SLC25A40: variants seen among roughly 807,000 people sequenced by gnomAD.
SLC25A40 encodes the protein solute carrier family 25 member 40.
In SLC25A40, 41 loss-of-function variants were observed where a neutral mutation model predicts 46.5. The observed-to-expected ratio is 0.88, with a 90% CI of 0.69 to 1.14. The LOEUF is 1.14. Ranked by LOEUF, SLC25A40 falls within the 50% of genes most tolerant of loss-of-function variation. The pLI, the probability that SLC25A40 is intolerant of heterozygous loss-of-function variation, is 0.00. For missense variants in SLC25A40, 386 were observed against 393.6 expected (o/e 0.98, Z 0.16); for synonymous variants, 126 against 127.5 (o/e 0.99, Z 0.08).
At chr7:87,855,943 G>T (rs888196918) in intron 4 of SLC25A40, among the ~76,000 whole-genome samples, 1 of 152,092 alleles carries the variant, frequency 6.6e-6, no homozygotes, top group Non-Finnish European at 1.5e-5. Context: ...TCAAGCAATA[G>T]TTGTATGATG....
chr7:87,841,133 ATGTGTG>A (rs561277692), intron 10 of SLC25A40, among the ~76,000 whole-genome samples: 38 of 142,964 alleles, frequency 2.7e-4, no homozygotes, highest in South Asian at 8.8e-4. Context: ...TAAAAACAAA[ATGTGTG>A]TGTGTGTGTG....
intron 1 of SLC25A40, among the ~76,000 whole-genome samples, chr7:87,873,425 TTAAC>T (rs1838924369): frequency 6.7e-6 from 1 of 149,318 alleles, no homozygotes; most frequent in Non-Finnish European, 1.5e-5. Flanking sequence ...CATAGAAAGG[TTAAC>T]TTTTTTTTTT....
chr7:87,839,693 C>A (rs1299372909), intron 10 of SLC25A40, among the ~76,000 whole-genome samples: 1 of 151,716 alleles, frequency 6.6e-6, no homozygotes, highest in African/African-American at 2.4e-5. Context: ...AGATTATGAG[C>A]TCTTTGAGGA....
At position 87,858,648 on chromosome 7, in the gene SLC25A40, A is replaced by T; in HGVS notation, c.80T>A (p.Ile27Lys). The stretch of plus-strand genomic sequence containing the variant: ...AATTTTACCTATTACTGATGTCAGT[A>T]TAGCTCCAGTACATGAGGCAAGCAT... ...QQMLASCTGA[I>K]LTSVIVTPLD... The change falls in exon 3 of 12, where the codon ATA (isoleucine) becomes AAA (lysine). Residue 27 changes from isoleucine (I) to lysine (K), a missense_variant. Coordinates refer to ENST00000341119, the MANE Select transcript of SLC25A40 (RefSeq NM_018843.4). 6.3e-7 allele frequency: 1 copy of T among 1,597,834 alleles called. No homozygotes were observed. The highest frequency in any genetic ancestry group is 8.6e-7 in the Non-Finnish European group (1 of 1,165,144).
chr7:87,844,653 A>C (rs1165966709), intron 8 of SLC25A40, among the ~76,000 whole-genome samples: 3 of 152,250 alleles, frequency 2.0e-5, no homozygotes, highest in Admixed American at 6.5e-5. Flanking sequence ...AAAAAATAGT[A>C]AGACAAAGCA....
At chr7:87,861,314 G>C (rs188507040) in intron 1 of SLC25A40, among the ~76,000 whole-genome samples, 1 of 152,130 alleles carries the variant, frequency 6.6e-6, no homozygotes, top group East Asian at 1.9e-4. Flanking sequence ...CAGTTTGAGG[G>C]TAACTAGTGA....
In SLC25A40 at chr7:87,847,062, T is replaced by G. The variant is rs759552722; in HGVS notation, c.518A>C (p.Lys173Thr). The change falls in exon 8 of 12, where the codon AAG becomes ACG. Residue 173 changes from lysine (K) to threonine (T), a missense_variant. Transcript: ENST00000341119. Reference sequence around the variant, plus strand: ...TCGATGCAGTTCCACGTAAGAAAACTTCTTGGACTGCATCTTGGTTCTAAT... The same window carrying G: ...TCGATGCAGTTCCACGTAAGAAAACGTCTTGGACTGCATCTTGGTTCTAAT... Reference protein sequence around the residue: ...ELIRTKMQSKKFSYVELHRFV... With the variant: ...ELIRTKMQSKTFSYVELHRFV... The G allele has an allele frequency of 6.2e-7, 1 of 1,613,726 alleles. No homozygotes were observed. Among genetic ancestry groups the G allele is most frequent in the Non-Finnish European group, 8.5e-7 (1 of 1,179,814 alleles).
rs1368098823 is a variant in SLC25A40, at chr7:87,834,144, A to T, written c.*2105T>A. Reference sequence around the variant, plus strand: ...TTGCAAATATTGCAATTCCTGCAACATCATATGTATTGAAAAGTCTGGAAA... The same window carrying T: ...TTGCAAATATTGCAATTCCTGCAACTTCATATGTATTGAAAAGTCTGGAAA... On this transcript the variant is annotated 3_prime_UTR_variant, in exon 12 of 12. Transcript: ENST00000341119. The T allele has an allele frequency of 6.6e-6, 1 of 151,912 alleles. No individual in the cohort carries two copies. The highest frequency in any genetic ancestry group is 1.5e-5 in the Non-Finnish European group (1 of 67,886). 9.4% of individuals were successfully genotyped at this position (151,912 alleles called of 1,614,324 possible). A position where few individuals can be genotyped will look rare whatever the true frequency, so the allele number is the denominator to read the frequency against.
chr7:87,871,162 C>T (rs919534811), intron 1 of SLC25A40, among the ~76,000 whole-genome samples: 3 of 152,178 alleles, frequency 2.0e-5, no homozygotes, highest in Non-Finnish European at 2.9e-5. Flanking sequence ...GTAGAGTTTG[C>T]CCCTGCCGGT....
At chr7:87,841,514 TACAC>T in intron 10 of SLC25A40, 115 bp downstream of exon 10, 1 of 556,012 alleles carries the variant, frequency 1.8e-6, no homozygotes, top group Non-Finnish European at 2.9e-6. Flanking sequence ...TTCAGTAAAA[TACAC>T]AAAGAATAAT....
intron 10 of SLC25A40, among the ~76,000 whole-genome samples, chr7:87,841,079 T>G (rs1486966013): frequency 2.0e-5 from 3 of 148,066 alleles, no homozygotes; most frequent in Non-Finnish European, 4.5e-5. Flanking sequence ...TATGAAGAAA[T>G]AAAAATAGAT....
At chr7:87,864,590 C>A (rs1036213598) in intron 1 of SLC25A40, among the ~76,000 whole-genome samples, 1 of 152,204 alleles carries the variant, frequency 6.6e-6, no homozygotes, top group Non-Finnish European at 1.5e-5. Context: ...TTTTTACAGT[C>A]TTTGACTAGT....
chr7:87,844,911 C>A (rs1170236370), intron 8 of SLC25A40, among the ~76,000 whole-genome samples: 1 of 151,912 alleles, frequency 6.6e-6, no homozygotes, highest in Non-Finnish European at 1.5e-5. Flanking sequence ...TTATTATTAA[C>A]ATAAAGAGAT....
At chr7:87,869,963 G>A (rs946109413) in intron 1 of SLC25A40, among the ~76,000 whole-genome samples, 1 of 152,122 alleles carries the variant, frequency 6.6e-6, no homozygotes, top group African/African-American at 2.4e-5. Context: ...ACAACACTTG[G>A]TATGGTCAGT....
Position 87,855,544 on chromosome 7 carries a change from G to A in SLC25A40, c.157+748C>T, listed in dbSNP as rs73706941. On this transcript the variant is annotated intron_variant, in intron 4 of 11. Coordinates refer to ENST00000341119, the MANE Select transcript of SLC25A40 (RefSeq NM_018843.4). ...ACAGTATGTAAAAATACAAAGCTGT[G>A]AATTTTGTAATACTTAGGTCTGAGT... Among the ~76,000 whole-genome samples, 515 of 152,278 alleles carry A rather than the reference G, an allele frequency of 3.4e-3. 3 individuals carry two copies. The highest frequency in any genetic ancestry group is 0.012 in the African/African-American group (485 of 41,542).
intron 1 of SLC25A40, among the ~76,000 whole-genome samples, chr7:87,871,171 G>T (rs1016184034): frequency 1.3e-5 from 2 of 152,196 alleles, no homozygotes; most frequent in Non-Finnish European, 2.9e-5. Flanking sequence ...GCCCCTGCCG[G>T]TGCTCATGCA....
intron 5 of SLC25A40, among the ~76,000 whole-genome samples, chr7:87,851,232 A>G (rs1329805878): frequency 1.3e-5 from 2 of 152,264 alleles, no homozygotes; most frequent in African/African-American, 2.4e-5. Flanking sequence ...TTCACATAAT[A>G]TTACTTGGCA....
rs1165221121 is a variant in SLC25A40 at position 87,833,611 on chromosome 7, A to G, written c.*2638T>C. On this transcript the variant is annotated 3_prime_UTR_variant, in exon 12 of 12. Coordinates refer to ENST00000341119, the MANE Select transcript of SLC25A40 (RefSeq NM_018843.4). Reference sequence around the variant, plus strand: ...TTATTTAAAAAGTTCATCTTAGAAGAAAATTCAAAAGGGATACAATAAACT... The same window carrying G: ...TTATTTAAAAAGTTCATCTTAGAAGGAAATTCAAAAGGGATACAATAAACT... 2.0e-5 allele frequency: 3 copies of G among 152,016 alleles called. No homozygotes were observed. The highest frequency in any genetic ancestry group is 2.9e-5 in the Non-Finnish European group (2 of 67,952). 9.4% of individuals were successfully genotyped at this position (152,016 alleles called of 1,614,324 possible).
chr7:87,852,451 C>T (rs996266652), intron 5 of SLC25A40, among the ~76,000 whole-genome samples: 2 of 152,034 alleles, frequency 1.3e-5, no homozygotes, highest in Admixed American at 6.6e-5. Flanking sequence ...TGCCTATAGT[C>T]CCAGCTATTT....
Sources: allele counts gnomAD v4.1 joint callset (sites outside exome capture counted in the v4.1 genomes callset), GRCh38; gene constraint gnomAD v4.1.1; transcripts MANE v1.5; gene names NCBI Gene and HGNC (gene_info 2026-07-23, HGNC 2026-07-21).